Variants in CASP6 observed in about 807,000 individuals in gnomAD.
CASP6 encodes caspase 6, also known as caspase-6.
A neutral mutation model predicts 31.8 loss-of-function variants in CASP6; 20 were observed. The observed-to-expected ratio is 0.63, with a 90% CI of 0.44 to 0.91. CASP6 has a LOEUF of 0.91. Ranked by LOEUF, CASP6 falls within the 40% of genes least tolerant of loss-of-function variation. The pLI, the probability that CASP6 is intolerant of heterozygous loss-of-function variation, is 0.00. For missense variants in CASP6, 328 were observed against 361.1 expected, an observed-to-expected ratio of 0.91 and a Z score of 0.74; for synonymous variants, 130 against 127.8, an observed-to-expected ratio of 1.02 and a Z score of -0.12.
chr4:109,689,684 G>A, intron 6 of CASP6, 116 bp from the exon 7 acceptor site: 1 of 903,450 alleles, frequency 1.1e-6, no homozygotes, highest in African/African-American at 1.7e-5. Context: ...GTCTTAAGAT[G>A]TGTCCATGAT....
chr4:109,706,905 TCAAAA>T (rs568588402), upstream of CASP6, among the ~76,000 whole-genome samples: 769 of 152,178 alleles, frequency 5.1e-3, 4 homozygotes, highest in Non-Finnish European at 7.9e-3. Flanking sequence ...AGACTCCATC[TCAAAA>T]CAAACAAAAA....
At chr4:109,682,344 T>C in the CASP6 span, among the ~76,000 whole-genome samples, 3 of 151,632 alleles carry the variant, frequency 2.0e-5, no homozygotes, top group Admixed American at 2.0e-4. Flanking sequence ...TTTTACCTTG[T>C]ATATGAACTG....
downstream of CASP6, chr4:109,684,987 C>T (rs115615618): frequency 0.025 from 9,632 of 390,846 alleles, 150 homozygotes; most frequent in Non-Finnish European, 0.031. Flanking sequence ...TGCCAAAAAT[C>T]TCCCTTTTCT....
downstream of CASP6, chr4:109,688,381 C>G (rs1729905098): frequency 6.6e-6 from 1 of 152,326 alleles, no homozygotes; most frequent in Non-Finnish European, 1.5e-5. Context: ...ATGGAAGATG[C>G]TGACAGAATC....
rs1730186503 is a variant in CASP6 at position 109,694,794 on chromosome 4, C to T, written c.308-94G>A. On this transcript the variant is annotated intron_variant, in intron 4 of 6. Coordinates refer to ENST00000265164, the MANE Select transcript of CASP6 (RefSeq NM_001226.4). ...GTTTATTAACACAAGAATAAAGTTACATCCACATGATTGGGGAGGAGGAAA... is the reference window on the plus strand; with the variant it reads ...GTTTATTAACACAAGAATAAAGTTATATCCACATGATTGGGGAGGAGGAAA... The T allele has an allele frequency of 3.3e-6, 4 of 1,209,918 alleles. No individual in the cohort carries two copies. The South Asian group carries it at 5.8e-5, about 17-fold the overall frequency. 74.9% of individuals were successfully genotyped at this position (1,209,918 alleles called of 1,614,324 possible).
At chr4:109,668,839 A>G in the CASP6 span, among the ~76,000 whole-genome samples, 1 of 151,982 alleles carries the variant, frequency 6.6e-6, no homozygotes, top group South Asian at 2.1e-4. Flanking sequence ...AAGAGTTTGC[A>G]ATATACATTT....
Position 109,688,856 on chromosome 4 carries a change from CAACATG to C in CASP6, c.*468_*473del, listed in dbSNP as rs1185225253. ...CCATATCAAACCCTTTCACCATGGC[CAACATG>C]AACTTTTTTTTTTTTTTTTTAAGGC... On this transcript the variant is annotated 3_prime_UTR_variant, in exon 7 of 7. Coordinates refer to ENST00000265164, the MANE Select transcript of CASP6 (RefSeq NM_001226.4). 1 of 149,352 alleles carries C rather than the reference CAACATG, an allele frequency of 6.7e-6. No individual in the cohort carries two copies. The highest frequency in any genetic ancestry group is 1.5e-5 in the Non-Finnish European group (1 of 67,920). 9.3% of individuals were successfully genotyped at this position (149,352 alleles called of 1,614,324 possible).
chr4:109,675,833 C>G, the CASP6 span, among the ~76,000 whole-genome samples: 1 of 152,362 alleles, frequency 6.6e-6, no homozygotes, highest in East Asian at 1.9e-4. Context: ...CACTTGCTTT[C>G]TCTCTGCCTC....
upstream of CASP6, among the ~76,000 whole-genome samples, chr4:109,706,893 C>T (rs973478728): frequency 3.9e-5 from 6 of 152,176 alleles, no homozygotes; most frequent in Non-Finnish European, 7.4e-5. Flanking sequence ...AGTGACAGAA[C>T]GAGACTCCAT....
chr4:109,694,544 G>A lies in CASP6; in HGVS notation c.464C>T (p.Pro155Leu). Residue 155 changes from proline to leucine, a missense_variant, in exon 5 of 7, where the codon CCC (proline) becomes CTC (leucine). Transcript: ENST00000265164. ...TCTTACCTGAATGATAAATATCTTG[G>A]GTTTTCCAACCAGGCTGTGACACTT... ...GDKCHSLVGK[P>L]KIFIIQACRG... 4 of 1,601,984 alleles carry A rather than the reference G, an allele frequency of 2.5e-6. No individual in the cohort carries two copies. The highest frequency in any genetic ancestry group is 3.4e-6 in the Non-Finnish European group (4 of 1,175,734).
At chr4:109,706,166 T>TATATATATATAC (rs1730613203), upstream of CASP6, among the ~76,000 whole-genome samples, 1 of 92,040 alleles carries the variant, frequency 1.1e-5, no homozygotes, top group African/African-American at 6.0e-5. Context: ...TATATATATA[T>TATATATATATAC]ATATACACAC....
At chr4:109,706,807 C>T (rs974229138), upstream of CASP6, among the ~76,000 whole-genome samples, 3 of 152,190 alleles carry the variant, frequency 2.0e-5, no homozygotes, top group Non-Finnish European at 4.4e-5. Context: ...ACTCAGGAGG[C>T]TGAGGCACAA....
chr4:109,673,390 C>T, the CASP6 span, among the ~76,000 whole-genome samples: 1 of 152,190 alleles, frequency 6.6e-6, no homozygotes, highest in South Asian at 2.1e-4. Flanking sequence ...CATTAGAAAA[C>T]CCCTCTTGCT....
chr4:109,688,143 A>T (rs973406642), downstream of CASP6: 5 of 152,366 alleles, frequency 3.3e-5, no homozygotes, highest in African/African-American at 1.2e-4. Flanking sequence ...CAACTGAAAC[A>T]GTGTATATAA....
At chr4:109,667,757 AT>A in the CASP6 span, among the ~76,000 whole-genome samples, 1 of 151,038 alleles carries the variant, frequency 6.6e-6, no homozygotes, top group African/African-American at 2.4e-5. Flanking sequence ...GATCTTATAG[AT>A]GTTTATTCTT....
intron 4 of CASP6, among the ~76,000 whole-genome samples, chr4:109,695,903 G>C (rs893253155): frequency 2.0e-5 from 3 of 152,154 alleles, no homozygotes; most frequent in African/African-American, 7.2e-5. Flanking sequence ...GAAGAGCTCT[G>C]AAGAAAGTTT....
chr4:109,700,347 C>T (rs898177223), intron 1 of CASP6, among the ~76,000 whole-genome samples: 1 of 152,154 alleles, frequency 6.6e-6, no homozygotes, highest in African/African-American at 2.4e-5. Context: ...TAAGTAGCTG[C>T]TCAAGAAAAT....
chr4:109,686,983 T>G (rs553793320), downstream of CASP6, among the ~76,000 whole-genome samples: 35 of 152,166 alleles, frequency 2.3e-4, 1 homozygote, highest in Non-Finnish European at 4.3e-4. Flanking sequence ...TTAAGAATAT[T>G]AAGTGGAAAA....
chr4:109,702,985 A>C, intron 1 of CASP6: 1 of 270,862 alleles, frequency 3.7e-6, no homozygotes, highest in Non-Finnish European at 6.9e-6. Context: ...TCAAACGGCC[A>C]GGTGTGGGGG....
Sources: gnomAD v4.1 joint callset for allele counts (sites outside exome capture counted in the v4.1 genomes callset) on GRCh38, gnomAD v4.1.1 for gene constraint, MANE v1.5 for transcripts, NCBI Gene and HGNC (gene_info 2026-07-23, HGNC 2026-07-21) for gene names.